CPEB3: variants seen among roughly 807,000 people sequenced by gnomAD.
The protein encoded by CPEB3 is cytoplasmic polyadenylation element-binding protein 3.
In CPEB3, 20 loss-of-function variants were observed where a neutral mutation model predicts 67.2. That is an observed-to-expected ratio of 0.30 (90% confidence interval 0.21 to 0.43). The LOEUF (loss-of-function observed/expected upper bound fraction) is 0.43. Among genes scored for constraint, CPEB3 ranks in the 20% least tolerant of loss-of-function variants. The pLI is 1.00. For missense variants in CPEB3, 746 were observed against 968.6 expected (o/e 0.77, Z 3.05); for synonymous variants, 376 against 393.1 (o/e 0.96, Z 0.51).
intron 7 of CPEB3, among the ~76,000 whole-genome samples, chr10:92,093,069 A>T (rs887534475): frequency 1.3e-5 from 2 of 152,234 alleles, no homozygotes; most frequent in African/African-American, 4.8e-5. Context: ...CTTAAAACAT[A>T]TTATCAAAGA....
intron 7 of CPEB3, among the ~76,000 whole-genome samples, chr10:92,100,144 T>C (rs1303786656): frequency 6.6e-6 from 1 of 152,118 alleles, no homozygotes; most frequent in Non-Finnish European, 1.5e-5. Context: ...CAGGAAAACA[T>C]TTTTGTTGTA....
intron 6 of CPEB3, chr10:92,137,324 C>T (rs1846149201): frequency 1.3e-6 from 1 of 768,506 alleles, no homozygotes; most frequent in Admixed American, 2.5e-5. Flanking sequence ...ATCGTGGGTA[C>T]CCCTGGCCAT....
chr10:92,099,047 C>CA (rs1266352499), intron 7 of CPEB3, among the ~76,000 whole-genome samples: 1 of 149,750 alleles, frequency 6.7e-6, no homozygotes, highest in African/African-American at 2.5e-5. Flanking sequence ...GCTGGGATTA[C>CA]AGGCGTGAGC....
At position 92,049,102 on chromosome 10, in the gene CPEB3, C is replaced by T. The variant is rs1852198252; in HGVS notation, c.*3110G>A. ...GGCTACATTACTATTGAAAAAATAC[C>T]AGCATGAAGAAAAGGTACATATTTG... On this transcript the variant is annotated 3_prime_UTR_variant, in exon 10 of 10. Coordinates refer to ENST00000265997, the MANE Select transcript of CPEB3 (RefSeq NM_014912.5). The T allele has an allele frequency of 6.6e-6, 1 of 152,308 alleles. No homozygotes were observed. The allele number at this position is 152,308 out of a possible 1,614,324, so 9.4% of individuals were successfully genotyped here. A position where few individuals can be genotyped will look rare whatever the true frequency, so the allele number is the denominator to read the frequency against.
chr10:92,070,382 G>A (rs910801498), intron 9 of CPEB3, among the ~76,000 whole-genome samples: 2 of 152,042 alleles, frequency 1.3e-5, no homozygotes, highest in Non-Finnish European at 2.9e-5. Context: ...ATGTTTTATG[G>A]AGCATACTTT....
At chr10:92,204,613 G>A (rs984135661) in intron 2 of CPEB3, among the ~76,000 whole-genome samples, 1 of 152,268 alleles carries the variant, frequency 6.6e-6, no homozygotes, top group Non-Finnish European at 1.5e-5. Flanking sequence ...TGGGACCAGA[G>A]AAATAGAAGC....
intron 7 of CPEB3, among the ~76,000 whole-genome samples, chr10:92,106,867 A>AAAGG (rs377204339): frequency 1.3e-5 from 2 of 151,618 alleles, no homozygotes; most frequent in African/African-American, 2.4e-5. Context: ...AAAAAAAGAA[A>AAAGG]AAGGAAGGAA....
At chr10:92,052,735 T>C (rs984962346) in intron 9 of CPEB3, among the ~76,000 whole-genome samples, 1 of 152,240 alleles carries the variant, frequency 6.6e-6, no homozygotes, top group Non-Finnish European at 1.5e-5. Context: ...CACATTTGTG[T>C]AATCTGTAAA....
chr10:92,246,315 C>A (rs1483604652), intron 1 of CPEB3, among the ~76,000 whole-genome samples: 3 of 146,442 alleles, frequency 2.0e-5, no homozygotes, highest in African/African-American at 7.6e-5. Flanking sequence ...GCCTGGGAGA[C>A]AGAGCGAGAC....
At position 92,051,103 on chromosome 10, in the gene CPEB3, C is replaced by T. The variant is rs571321436; in HGVS notation, c.*1109G>A. The T allele has an allele frequency of 2.0e-5, 3 of 152,546 alleles. No homozygotes were observed. The highest frequency in any genetic ancestry group is 4.4e-5 in the Non-Finnish European group (3 of 68,036). 9.4% of individuals were successfully genotyped at this position (152,546 alleles called of 1,614,324 possible). A position where few individuals can be genotyped will look rare whatever the true frequency, so the allele number is the denominator to read the frequency against. ...AAATTTGCTTGAAGAATATCCTACA[C>T]CTAGGTTTTATATCGGTTGTAATAT... is the stretch of plus-strand genomic sequence containing the variant. On this transcript the variant is annotated 3_prime_UTR_variant, in exon 10 of 10. Coordinates refer to ENST00000265997, the MANE Select transcript of CPEB3 (RefSeq NM_014912.5).
chr10:92,081,371 T>G lies in CPEB3; in HGVS notation c.1818A>C (p.Ala606=), dbSNP rs1564762262. The change falls in exon 9 of 10, where the codon GCA becomes GCC. Residue 606 remains alanine, a synonymous_variant. Transcript: ENST00000265997. ...VAFSNQQSYI[A]AISARFVQLQ... ...GCTGCACAAAACGAGCGCTGATGGCTGCAATGTAACTCTGCTGATTGGAGA... is the reference window on the plus strand; with the variant it reads ...GCTGCACAAAACGAGCGCTGATGGCGGCAATGTAACTCTGCTGATTGGAGA... 2 of 1,614,236 alleles carry G rather than the reference T, an allele frequency of 1.2e-6. No homozygotes were observed. The highest frequency in any genetic ancestry group is 1.3e-5 in the African/African-American group (1 of 75,066).
chr10:92,204,279 C>T (rs1326756881), intron 2 of CPEB3: 1 of 152,166 alleles, frequency 6.6e-6, no homozygotes. Flanking sequence ...GACGTGAACG[C>T]TTCTGCTGTG....
intron 4 of CPEB3, among the ~76,000 whole-genome samples, chr10:92,165,475 T>C (rs959154237): frequency 1.5e-5 from 2 of 136,608 alleles, no homozygotes; most frequent in African/African-American, 5.6e-5. Context: ...ATCAGAGTGG[T>C]GGTTGCTGAA....
intron 2 of CPEB3, among the ~76,000 whole-genome samples, chr10:92,222,957 T>TA (rs1850774645): frequency 6.6e-6 from 1 of 152,232 alleles, no homozygotes; most frequent in African/African-American, 2.4e-5. Context: ...CTGGCTAATA[T>TA]AATAACATGC....
chr10:92,097,152 A>C (rs1348788318), intron 7 of CPEB3, among the ~76,000 whole-genome samples: 1 of 150,802 alleles, frequency 6.6e-6, no homozygotes, highest in Non-Finnish European at 1.5e-5. Context: ...GCAAGTAGTT[A>C]CCACTTGCCT....
In CPEB3 at chr10:92,136,464, A is replaced by G. The variant is rs561298063; in HGVS notation, c.1453+6565T>C. On this transcript the variant is annotated intron_variant, in intron 6 of 9. Coordinates refer to ENST00000265997, the MANE Select transcript of CPEB3 (RefSeq NM_014912.5). ...TCTAACAAGGGATTAATAACAATAT[A>G]TAAAGAGCTCAAACAACTCAATAGG... 3.3e-5 allele frequency among the ~76,000 whole-genome samples: 5 copies of G among 152,356 alleles called. No homozygotes were observed. The South Asian group carries it at 6.2e-4, about 19-fold the overall frequency.
At chr10:92,257,252 T>C (rs1384604593) in intron 1 of CPEB3, among the ~76,000 whole-genome samples, 3 of 152,260 alleles carry the variant, frequency 2.0e-5, no homozygotes, top group African/African-American at 7.2e-5. Context: ...AAGAAATTGC[T>C]CAATTGGAAG....
chr10:92,125,181 GT>G (rs1845556587), intron 6 of CPEB3, among the ~76,000 whole-genome samples: 1 of 152,216 alleles, frequency 6.6e-6, no homozygotes, highest in South Asian at 2.1e-4. Flanking sequence ...GTGCACAAGG[GT>G]TTGGTCACTC....
In CPEB3 at chr10:92,048,646, T is replaced by C. The variant is rs896774764; in HGVS notation, c.*3566A>G. 6.6e-6 allele frequency: 1 copy of C among 152,618 alleles called. No individual in the cohort carries two copies. Among genetic ancestry groups the C allele is most frequent in the African/African-American group, 2.4e-5 (1 of 41,440 alleles). 9.5% of individuals were successfully genotyped at this position (152,618 alleles called of 1,614,324 possible). On this transcript the variant is annotated 3_prime_UTR_variant, in exon 10 of 10. Coordinates refer to ENST00000265997, the MANE Select transcript of CPEB3 (RefSeq NM_014912.5). The surrounding 1 kb of genome is among the most constrained non-coding windows in gnomAD (Gnocchi z 4.1). ...CTTCTCAAAATCTCACATGTTCTGC[T>C]CATTCTGTCATTTTATTACCCAATT...
Sources: gnomAD v4.1 joint callset for allele counts (sites outside exome capture counted in the v4.1 genomes callset) on GRCh38, gnomAD v4.1.1 for gene constraint, Gnocchi (gnomAD v3.1) non-coding constraint, MANE v1.5 for transcripts, NCBI Gene and HGNC (gene_info 2026-07-23, HGNC 2026-07-21) for gene names.